The following CACNA2D4 variants were observed in gnomAD, a reference collection of about 807,000 sequenced individuals.
CACNA2D4 encodes voltage-dependent calcium channel subunit alpha-2/delta-4.
A neutral mutation model predicts 163.8 loss-of-function variants in CACNA2D4; 157 were observed. The observed-to-expected ratio is 0.96, with a 90% CI of 0.84 to 1.09. CACNA2D4 has a LOEUF of 1.09. CACNA2D4 is among the 50% of genes least tolerant of loss of function. The probability of loss-of-function intolerance (pLI) is 0.00; values close to 1 mark genes in which losing one functional copy is unlikely to be tolerated. For synonymous variants in CACNA2D4, 598 were observed against 586.9 expected, an observed-to-expected ratio of 1.02 and a Z score of -0.27; for missense variants, 1,410 against 1,479.9, an observed-to-expected ratio of 0.95 and a Z score of 0.78.
chr12:1,896,641 A>G (rs1359848672), intron 6 of CACNA2D4, among the ~76,000 whole-genome samples: 1 of 149,838 alleles, frequency 6.7e-6, no homozygotes, highest in Non-Finnish European at 1.5e-5. Context: ...ACACACACAC[A>G]CACACACACA....
rs139341807 is a variant in CACNA2D4, at chr12:1,858,759, G to C, written c.1941-115C>G. 3.9e-4 allele frequency: 269 copies of C among 686,074 alleles called. No homozygotes were observed. In the East Asian group the frequency reaches 7.6e-3, roughly 19 times the overall value. The allele number at this position is 686,074 out of a possible 1,614,324, so 42.5% of individuals were successfully genotyped here. A position where few individuals can be genotyped will look rare whatever the true frequency, so the allele number is the denominator to read the frequency against. Reference sequence around the variant, plus strand: ...TGTATGGGCTTTTTGTACCCACGACGAGTGGTGTGCTCCTCATGCCCCCTT... The same window carrying C: ...TGTATGGGCTTTTTGTACCCACGACCAGTGGTGTGCTCCTCATGCCCCCTT... On this transcript the variant is annotated intron_variant, in intron 19 of 37. Coordinates refer to ENST00000382722, the MANE Select transcript of CACNA2D4 (RefSeq NM_172364.5).
chr12:1,824,279 C>T lies in CACNA2D4; in HGVS notation c.2552-12556G>A, dbSNP rs139771443. Among the ~76,000 whole-genome samples the T allele has an allele frequency of 3.6e-3, 542 of 152,294 alleles. 2 individuals are homozygous for T. The highest frequency in any genetic ancestry group is 0.012 in the African/African-American group (508 of 41,540). On this transcript the variant is annotated intron_variant, in intron 26 of 37. Transcript: ENST00000382722. ...ATCCCCTGGGGATCTTGTTAAAATG[C>T]GGATTCTGACTCAGTCATTCTGGAT...
chr12:1,866,601 C>T (rs990876336), intron 18 of CACNA2D4, among the ~76,000 whole-genome samples: 2 of 151,918 alleles, frequency 1.3e-5, no homozygotes, highest in Non-Finnish European at 2.9e-5. Flanking sequence ...CCTCTGTTTC[C>T]TTCTATCTGA....
chr12:1,891,512 C>G (rs1416221817), intron 6 of CACNA2D4, among the ~76,000 whole-genome samples: 1 of 151,950 alleles, frequency 6.6e-6, no homozygotes, highest in Non-Finnish European at 1.5e-5. Context: ...TGTAAGGACA[C>G]AAGAAATATG....
intron 25 of CACNA2D4, among the ~76,000 whole-genome samples, chr12:1,841,563 C>A (rs1002446749): frequency 9.2e-5 from 14 of 152,224 alleles, no homozygotes; most frequent in Non-Finnish European, 1.9e-4. Flanking sequence ...ACTTCGGGGC[C>A]TCAGGCTTCT....
rs1035594425 is a variant in CACNA2D4 at position 1,831,607 on chromosome 12, GCTGA to G, written c.2551+9128_2551+9131del. On this transcript the variant is annotated intron_variant, in intron 26 of 37. Transcript: ENST00000382722. ...CACACTTTCCTCCTGGTGGCTGGGT[GCTGA>G]CTCAGAGAGCAGGCCAGGGGAAAGA... 15 of 1,238,642 alleles carry G rather than the reference GCTGA, an allele frequency of 1.2e-5. No individual in the cohort carries two copies. In the African/African-American group the frequency reaches 1.5e-4, roughly 12 times the overall value. The allele number at this position is 1,238,642 out of a possible 1,614,324, so 76.7% of individuals were successfully genotyped here. A position where few individuals can be genotyped will look rare whatever the true frequency, so the allele number is the denominator to read the frequency against.
At chr12:1,809,674 T>C (rs1368815205) in intron 29 of CACNA2D4, 9 of 651,984 alleles carry the variant, frequency 1.4e-5, no homozygotes, top group Non-Finnish European at 2.5e-5. Flanking sequence ...TTCAGGGAGA[T>C]ACCCACAGCC....
rs755785110 is a variant in CACNA2D4 at position 1,793,659 on chromosome 12, C to T, written c.3410G>A (p.Arg1137Gln). The T allele has an allele frequency of 2.0e-5, 32 of 1,613,634 alleles. No individual in the cohort carries two copies. In the South Asian group the frequency reaches 3.1e-4, roughly 16 times the overall value. ...CAWGLLPQLLR is the reference protein window; with the variant it reads ...CAWGLLPQLLQ The stretch of plus-strand genomic sequence containing the variant: ...CACAGGTCAGGCTGGGTGGTGTCAC[C>T]GCAGGAGTTGGGGCAGTAGCCCCCA... Residue 1137 changes from arginine (R) to glutamine (Q), a missense_variant, in exon 38 of 38, where the codon CGG becomes CAG. By Grantham distance (43) the Arg-to-Gln change is conservative. Transcript: ENST00000382722.
In CACNA2D4 at chr12:1,829,087, A is replaced by G. The variant is rs1191368712; in HGVS notation, c.2551+11652T>C. On this transcript the variant is annotated intron_variant, in intron 26 of 37. Transcript: ENST00000382722. The surrounding 1 kb of genome is among the most constrained non-coding windows in gnomAD (Gnocchi z 4.2). ...TCAGATCTCCTTTCAGCCTCATTCT[A>G]GAATCACTCAACACCTCGCAATACG... Among the ~76,000 whole-genome samples, 1 of 152,210 alleles carries G rather than the reference A, an allele frequency of 6.6e-6. No homozygotes were observed. The highest frequency in any genetic ancestry group is 2.4e-5 in the African/African-American group (1 of 41,450).
intron 29 of CACNA2D4, among the ~76,000 whole-genome samples, chr12:1,804,039 G>A (rs1341871451): frequency 2.0e-5 from 3 of 152,104 alleles, no homozygotes; most frequent in East Asian, 1.9e-4. Flanking sequence ...TGTTCTTCAC[G>A]GCGCAGCCCT....
intron 6 of CACNA2D4, among the ~76,000 whole-genome samples, chr12:1,896,642 C>A (rs1336287559): frequency 3.1e-4 from 46 of 146,490 alleles, no homozygotes; most frequent in East Asian, 2.8e-3. Context: ...CACACACACA[C>A]ACACACACAC....
chr12:1,821,614 C>G (rs1440851080), intron 26 of CACNA2D4, among the ~76,000 whole-genome samples: 1 of 152,148 alleles, frequency 6.6e-6, no homozygotes, highest in Admixed American at 6.5e-5. Context: ...GGACACTGAG[C>G]TTGGGTGGGG....
chr12:1,828,226 C>T lies in CACNA2D4; in HGVS notation c.2551+12513G>A. ...GGAGGCAAGTCTCCTGTGAGTACAC[C>T]CCTGGCCTCGGAGGGGGGTGCGGGT... On this transcript the variant is annotated intron_variant, in intron 26 of 37. Coordinates refer to ENST00000382722, the MANE Select transcript of CACNA2D4 (RefSeq NM_172364.5). The surrounding 1 kb of genome is among the most constrained non-coding windows in gnomAD (Gnocchi z 4.2). 2 of 1,537,644 alleles carry T rather than the reference C, an allele frequency of 1.3e-6. No individual in the cohort carries two copies. The highest frequency in any genetic ancestry group is 1.8e-6 in the Non-Finnish European group (2 of 1,141,064).
At chr12:1,907,378 G>A in intron 6 of CACNA2D4, 62 bp downstream of exon 6, 1 of 537,520 alleles carries the variant, frequency 1.9e-6, no homozygotes, top group Non-Finnish European at 2.6e-6. Context: ...CATCTTCAGT[G>A]CCCCTATTAT....
intron 26 of CACNA2D4, among the ~76,000 whole-genome samples, chr12:1,816,738 G>GTGCATGCACACACACA (rs1164941013): frequency 4.6e-5 from 7 of 152,186 alleles, no homozygotes; most frequent in Non-Finnish European, 1.5e-5. Flanking sequence ...CCAAACAACT[G>GTGCATGCACACACACA]TGCATGCACA....
rs548404008 is a variant in CACNA2D4, at chr12:1,844,843, C to T, written c.2343-314G>A. 5.0e-4 allele frequency among the ~76,000 whole-genome samples: 76 copies of T among 152,254 alleles called. No individual in the cohort carries two copies. Among genetic ancestry groups the T allele is most frequent in the African/African-American group, 1.3e-3 (53 of 41,552 alleles). On this transcript the variant is annotated intron_variant, in intron 24 of 37. Transcript: ENST00000382722. The surrounding 1 kb of genome is among the most constrained non-coding windows in gnomAD (Gnocchi z 4.2). ...GAGCCCAATTTCTTCTTGTCTGGCT[C>T]GTTGGCACGTCTGAGGGAGGAAGCT...
rs1435169866 is a variant in CACNA2D4 at position 1,884,258 on chromosome 12, C to G, written c.1336G>C (p.Ala446Pro). The G allele has an allele frequency of 1.2e-6, 2 of 1,612,072 alleles. No homozygotes were observed. The highest frequency in any genetic ancestry group is 1.7e-6 in the Non-Finnish European group (2 of 1,179,396). Residue 446 changes from alanine to proline, a missense_variant, in exon 12 of 38, where the codon GCA becomes CCA. Coordinates refer to ENST00000382722, the MANE Select transcript of CACNA2D4 (RefSeq NM_172364.5). ...CGGCACTCACCTTTGTTGTTGCATGCAATCCACTTCATGCGGTCAGCAAAA... is the reference window on the plus strand; with the variant it reads ...CGGCACTCACCTTTGTTGTTGCATGGAATCCACTTCATGCGGTCAGCAAAA... ...VSFADRMKWI[A>P]CNNKGYYTQI...
chr12:1,814,242 T>C (rs1336519134), intron 26 of CACNA2D4, among the ~76,000 whole-genome samples: 3 of 152,026 alleles, frequency 2.0e-5, no homozygotes, highest in African/African-American at 4.8e-5. Flanking sequence ...GATTCTAACA[T>C]GGGGAGTCTG....
intron 22 of CACNA2D4, among the ~76,000 whole-genome samples, chr12:1,855,210 G>T (rs1865373236): frequency 6.6e-6 from 1 of 152,168 alleles, no homozygotes; most frequent in African/African-American, 2.4e-5. Context: ...CCTTGTCTGG[G>T]TTATCTCTGT....
Sources: allele counts gnomAD v4.1 joint callset (sites outside exome capture counted in the v4.1 genomes callset), GRCh38; gene constraint gnomAD v4.1.1; non-coding constraint Gnocchi (gnomAD v3.1); transcripts MANE v1.5; gene names NCBI Gene and HGNC (gene_info 2026-07-23, HGNC 2026-07-21).